The following PCDH9 variants were observed in gnomAD, a reference collection of about 807,000 sequenced individuals.
PCDH9 encodes protocadherin 9, also known as protocadherin-9.
In PCDH9, 24 loss-of-function variants were observed where a neutral mutation model predicts 70.6. The observed-to-expected ratio is 0.34, with a 90% CI of 0.25 to 0.48. The LOEUF (loss-of-function observed/expected upper bound fraction) is 0.48, where lower values mean the gene tolerates loss of function less well. PCDH9 is among the 20% of genes least tolerant of loss of function. The pLI, the probability that PCDH9 is intolerant of heterozygous loss-of-function variation, is 0.99. For synonymous variants in PCDH9, 562 were observed against 558.5 expected (o/e 1.01, Z -0.09); for missense variants, 1,281 against 1,503.6 (o/e 0.85, Z 2.45).
At chr13:66,611,305 T>A (rs1593775175) in intron 4 of PCDH9, among the ~76,000 whole-genome samples, 1 of 152,330 alleles carries the variant, frequency 6.6e-6, no homozygotes, top group Non-Finnish European at 1.5e-5. Context: ...AGTCAAATTA[T>A]GACTAATTAC....
chr13:66,525,307 G>A (rs1358312616), intron 4 of PCDH9, among the ~76,000 whole-genome samples: 1 of 152,012 alleles, frequency 6.6e-6, no homozygotes, highest in Non-Finnish European at 1.5e-5. Context: ...CAGTCCTCCA[G>A]GATTCCTGAA....
At chr13:66,910,904 T>C (rs901404565) in intron 2 of PCDH9, among the ~76,000 whole-genome samples, 1 of 152,180 alleles carries the variant, frequency 6.6e-6, no homozygotes, top group Non-Finnish European at 1.5e-5. Flanking sequence ...GCGTGTTCCA[T>C]TGAGTTTCTG....
At chr13:66,891,501 C>G (rs1052284999) in intron 3 of PCDH9, among the ~76,000 whole-genome samples, 5 of 152,102 alleles carry the variant, frequency 3.3e-5, no homozygotes, top group African/African-American at 9.6e-5. Context: ...ATAAGATTTG[C>G]TGAAATTGTA....
At chr13:66,700,072 C>G (rs2078617294) in intron 3 of PCDH9, among the ~76,000 whole-genome samples, 1 of 152,136 alleles carries the variant, frequency 6.6e-6, no homozygotes, top group Non-Finnish European at 1.5e-5. Flanking sequence ...TGTCCCTGTT[C>G]CAGTGTTGTT....
intron 4 of PCDH9, among the ~76,000 whole-genome samples, chr13:66,512,719 A>G (rs1959539893): frequency 6.6e-6 from 1 of 152,216 alleles, no homozygotes; most frequent in Admixed American, 6.5e-5. Context: ...TGTTAATGTA[A>G]TAAAAAATTC....
intron 4 of PCDH9, among the ~76,000 whole-genome samples, chr13:66,473,233 G>T (rs1295327807): frequency 6.6e-6 from 1 of 151,920 alleles, no homozygotes; most frequent in Non-Finnish European, 1.5e-5. Context: ...TCTTGGTCAT[G>T]ATTTTAATAA....
chr13:67,185,292 T>A (rs1334271038), intron 2 of PCDH9, among the ~76,000 whole-genome samples: 1 of 152,218 alleles, frequency 6.6e-6, no homozygotes, highest in Non-Finnish European at 1.5e-5. Flanking sequence ...TAGTGAATAG[T>A]AGTTAAAAAT....
intron 4 of PCDH9, among the ~76,000 whole-genome samples, chr13:66,386,331 A>G (rs1956929170): frequency 6.6e-6 from 1 of 152,100 alleles, no homozygotes; most frequent in African/African-American, 2.4e-5. Context: ...TGAAAGTCAA[A>G]TACTGTATCT....
intron 4 of PCDH9, among the ~76,000 whole-genome samples, chr13:66,465,632 T>G (rs1958502014): frequency 6.6e-6 from 1 of 151,912 alleles, no homozygotes; most frequent in Non-Finnish European, 1.5e-5. Flanking sequence ...AACTAGGCTC[T>G]TCCACTAACT....
intron 3 of PCDH9, among the ~76,000 whole-genome samples, chr13:66,717,480 AAT>A (rs1169570608): frequency 3.6e-4 from 16 of 44,432 alleles, no homozygotes; most frequent in South Asian, 1.3e-3. Context: ...AAAAAAAAAA[AAT>A]ATATATATAT....
At chr13:66,908,700 G>T (rs1485430795) in intron 2 of PCDH9, among the ~76,000 whole-genome samples, 1 of 152,010 alleles carries the variant, frequency 6.6e-6, no homozygotes, top group Non-Finnish European at 1.5e-5. Context: ...CCCAAATAAG[G>T]AAACCTTGAG....
chr13:66,818,838 G>T (rs1780304616), intron 3 of PCDH9, among the ~76,000 whole-genome samples: 1 of 152,030 alleles, frequency 6.6e-6, no homozygotes, highest in African/African-American at 2.4e-5. Context: ...GGAGGCTGAG[G>T]CAGGAGAATG....
intron 3 of PCDH9, among the ~76,000 whole-genome samples, chr13:66,738,459 T>C (rs1288060207): frequency 2.0e-5 from 3 of 149,976 alleles, no homozygotes; most frequent in Non-Finnish European, 3.0e-5. Flanking sequence ...AGGAACGCAG[T>C]TCCTCACCAG....
intron 4 of PCDH9, among the ~76,000 whole-genome samples, chr13:66,513,963 AT>A (rs1160711554): frequency 6.6e-6 from 1 of 152,092 alleles, no homozygotes; most frequent in Non-Finnish European, 1.5e-5. Context: ...GCAAAAGGAG[AT>A]TTGACATGGC....
Position 66,430,718 on chromosome 13 carries a change from T to C in PCDH9, c.3341-125690A>G, listed in dbSNP as rs964746556. Reference sequence around the variant, plus strand: ...TTTTACCACCAACACATTAACAGTGTCTTGGCATATTGCACTGAATTAAAG... The same window carrying C: ...TTTTACCACCAACACATTAACAGTGCCTTGGCATATTGCACTGAATTAAAG... On this transcript the variant is annotated intron_variant, in intron 4 of 4. Transcript: ENST00000377865. 2.6e-5 allele frequency among the ~76,000 whole-genome samples: 4 copies of C among 152,130 alleles called. No individual in the cohort carries two copies. In the East Asian group the frequency reaches 5.8e-4, roughly 22 times the overall value.
intron 3 of PCDH9, among the ~76,000 whole-genome samples, chr13:66,747,264 T>C (rs540245035): frequency 4.6e-5 from 7 of 152,258 alleles, no homozygotes; most frequent in Admixed American, 1.3e-4. Context: ...GGCAGGAGAA[T>C]TGCATGAACC....
chr13:66,769,840 C>T (rs746871145), intron 3 of PCDH9, among the ~76,000 whole-genome samples: 24 of 151,928 alleles, frequency 1.6e-4, no homozygotes, highest in Non-Finnish European at 2.6e-4. Flanking sequence ...GACGTGAAGA[C>T]AAAAGGTTGA....
In PCDH9 at chr13:66,741,999, G is replaced by C. The variant is rs1189799295; in HGVS notation, c.3139-110588C>G. Among the ~76,000 whole-genome samples the C allele has an allele frequency of 6.2e-4, 88 of 143,068 alleles. 1 individual carries two copies. Among genetic ancestry groups the C allele is most frequent in the African/African-American group, 2.0e-3 (76 of 37,786 alleles). 93.9% of individuals were successfully genotyped at this position (143,068 alleles called of 152,430 possible). ...CAGAATTGGAAAAAACTACTTTAAA[G>C]TTCATATGGAACCAAAAAAGAGCCC... On this transcript the variant is annotated intron_variant, in intron 3 of 4. Coordinates refer to ENST00000377865, the MANE Select transcript of PCDH9 (RefSeq NM_203487.3).
rs375196436 is a variant in PCDH9, at chr13:66,445,651, A to G, written c.3341-140623T>C. On this transcript the variant is annotated intron_variant, in intron 4 of 4. Coordinates refer to ENST00000377865, the MANE Select transcript of PCDH9 (RefSeq NM_203487.3). ...TATATTATATACACATATATATTAT[A>G]TATACAGATATATATTATGTATACA... 7.1e-4 allele frequency among the ~76,000 whole-genome samples: 102 copies of G among 144,142 alleles called. 1 individual carries two copies. In the South Asian group the frequency reaches 7.2e-3, roughly 10 times the overall value. 94.6% of individuals were successfully genotyped at this position (144,142 alleles called of 152,430 possible).
Sources: allele counts gnomAD v4.1 joint callset (sites outside exome capture counted in the v4.1 genomes callset), GRCh38; gene constraint gnomAD v4.1.1; transcripts MANE v1.5; gene names NCBI Gene and HGNC (gene_info 2026-07-23, HGNC 2026-07-21).